The following ALX1 variants were observed in gnomAD, a reference collection of about 807,000 sequenced individuals.
ALX1 encodes the protein ALX homeobox protein 1.
ALX1 carries 19 observed loss-of-function variants against 31.7 expected under a neutral mutation model. The observed-to-expected ratio is 0.60, with a 90% CI of 0.42 to 0.88. The LOEUF is 0.88. Among genes scored for constraint, ALX1 ranks in the 40% least tolerant of loss-of-function variants. ALX1 has a pLI of 0.00. For synonymous variants in ALX1, 153 were observed against 148.8 expected, an observed-to-expected ratio of 1.03 and a Z score of -0.20; for missense variants, 415 against 407.8, an observed-to-expected ratio of 1.02 and a Z score of -0.15.
intron 1 of ALX1, 92 bp downstream of exon 1, chr12:85,280,579 G>A: frequency 7.2e-7 from 1 of 1,383,544 alleles, no homozygotes; most frequent in Non-Finnish European, 1.0e-6. Flanking sequence ...GGAGAAAGGA[G>A]AAAAGTGGGA....
chr12:85,288,453 A>G (rs1409860618), intron 3 of ALX1, among the ~76,000 whole-genome samples: 1 of 151,424 alleles, frequency 6.6e-6, no homozygotes, highest in African/African-American at 2.4e-5. Flanking sequence ...TTGTTTGCCA[A>G]ATATTTTTGA....
intron 2 of ALX1, among the ~76,000 whole-genome samples, chr12:85,285,110 G>A (rs1439441533): frequency 6.6e-6 from 1 of 151,970 alleles, no homozygotes; most frequent in Non-Finnish European, 1.5e-5. Flanking sequence ...TGAGATTTTT[G>A]TCTTTGTCTA....
chr12:85,284,206 T>C (rs1331946503), intron 2 of ALX1, among the ~76,000 whole-genome samples: 2 of 139,440 alleles, frequency 1.4e-5, no homozygotes, highest in African/African-American at 3.0e-5. Flanking sequence ...TATTTAGTAA[T>C]TGGTATATTT....
intron 3 of ALX1, among the ~76,000 whole-genome samples, chr12:85,295,012 TA>T (rs1896868763): frequency 6.6e-6 from 1 of 151,414 alleles, no homozygotes; most frequent in Admixed American, 6.6e-5. Context: ...TATATCACCT[TA>T]AAATATTTTT....
At chr12:85,292,349 A>T (rs562791952) in intron 3 of ALX1, among the ~76,000 whole-genome samples, 4 of 151,146 alleles carry the variant, frequency 2.6e-5, no homozygotes, top group Non-Finnish European at 5.9e-5. Context: ...TTTTCATCAC[A>T]AATTTCAGAA....
At chr12:85,288,307 T>C (rs1272621035) in intron 3 of ALX1, among the ~76,000 whole-genome samples, 1 of 151,534 alleles carries the variant, frequency 6.6e-6, no homozygotes, top group East Asian at 1.9e-4. Context: ...AATAAATGCC[T>C]CCTATCTCCT....
intron 3 of ALX1, among the ~76,000 whole-genome samples, chr12:85,295,850 G>A (rs1042734437): frequency 6.6e-6 from 1 of 151,510 alleles, no homozygotes; most frequent in South Asian, 2.1e-4. Context: ...GTAGAAAAAC[G>A]TTACTTAATT....
intron 3 of ALX1, among the ~76,000 whole-genome samples, chr12:85,298,358 A>T (rs771997126): frequency 9.9e-5 from 15 of 151,752 alleles, no homozygotes; most frequent in Non-Finnish European, 1.9e-4. Context: ...TGCCTCACGC[A>T]TGGTAATTAA....
At chr12:85,289,654 T>C (rs927502619) in intron 3 of ALX1, among the ~76,000 whole-genome samples, 15 of 151,270 alleles carry the variant, frequency 9.9e-5, no homozygotes, top group Non-Finnish European at 2.2e-4. Flanking sequence ...ATGAAGTCCA[T>C]AGTACTTTCT....
chr12:85,284,986 G>T (rs1251244734), intron 2 of ALX1, among the ~76,000 whole-genome samples: 1 of 151,986 alleles, frequency 6.6e-6, no homozygotes. Flanking sequence ...ATTTTTACTT[G>T]AGTTTGTGGA....
intron 1 of ALX1, among the ~76,000 whole-genome samples, chr12:85,280,837 C>A (rs1462844530): frequency 6.6e-6 from 1 of 151,956 alleles, no homozygotes; most frequent in East Asian, 1.9e-4. Flanking sequence ...CAAGACAGAA[C>A]GCTTCCTCTG....
chr12:85,283,935 A>G (rs1460053920), intron 2 of ALX1, 59 bp downstream of exon 2: 46 of 1,569,804 alleles, frequency 2.9e-5, no homozygotes, highest in Non-Finnish European at 3.7e-5. Flanking sequence ...TGTTAGAATA[A>G]TTGAATAAGT....
Position 85,301,364 on chromosome 12 carries a change from C to G in ALX1, c.870C>G (p.Thr290=). 2 of 1,613,994 alleles carry G rather than the reference C, an allele frequency of 1.2e-6. No individual in the cohort carries two copies. Among genetic ancestry groups the G allele is most frequent in the Non-Finnish European group, 1.7e-6 (2 of 1,179,950 alleles). ...FFTDSLLTGA[T]NGHAFETKPE... ...CTGACTCTCTTCTTACTGGGGCAAC[C>G]AATGGACATGCATTTGAAACAAAGC... The change falls in exon 4 of 4, where the codon ACC becomes ACG. Residue 290 remains threonine, a synonymous_variant. Transcript: ENST00000316824.
chr12:85,293,281 G>C (rs1896843250), intron 3 of ALX1, among the ~76,000 whole-genome samples: 1 of 149,860 alleles, frequency 6.7e-6, no homozygotes, highest in Non-Finnish European at 1.5e-5. Flanking sequence ...ATATATATAA[G>C]TTATGTGTAG....
intron 3 of ALX1, 32 bp downstream of exon 3, chr12:85,287,013 A>G: frequency 3.1e-6 from 5 of 1,609,638 alleles, no homozygotes; most frequent in Non-Finnish European, 4.2e-6. Flanking sequence ...ACTGATCAAG[A>G]AAAGGATATT....
At chr12:85,297,983 A>G (rs1454006650) in intron 3 of ALX1, among the ~76,000 whole-genome samples, 2 of 151,634 alleles carry the variant, frequency 1.3e-5, no homozygotes, top group Non-Finnish European at 3.0e-5. Context: ...ATCAGTCCAT[A>G]TTTTTCAAGC....
chr12:85,286,409 A>C (rs562693517), intron 2 of ALX1, among the ~76,000 whole-genome samples: 1 of 151,990 alleles, frequency 6.6e-6, no homozygotes, highest in Admixed American at 6.6e-5. Context: ...TATTTTAAAG[A>C]TAAGTTTTAA....
At chr12:85,295,977 T>C (rs1302893326) in intron 3 of ALX1, among the ~76,000 whole-genome samples, 1 of 151,644 alleles carries the variant, frequency 6.6e-6, no homozygotes, top group Non-Finnish European at 1.5e-5. Flanking sequence ...AATATTAGGA[T>C]ATTGACTATA....
chr12:85,286,937 A>G lies in ALX1; in HGVS notation c.616A>G (p.Thr206Ala). The change falls in exon 3 of 4, where the codon ACC (threonine) becomes GCC (alanine). Residue 206 changes from threonine (T) to alanine (A), a missense_variant. Physicochemically the swap from Thr to Ala is moderately conservative, Grantham distance 58. Transcript: ENST00000316824. ...ACAAGCGAAAAGCCATTTTGCTGCC[A>G]CCTATGATATATCAGTTTTGCCAAG... ...IQQAKSHFAA[T>A]YDISVLPRTD... 2 of 1,612,338 alleles carry G rather than the reference A, an allele frequency of 1.2e-6. No individual in the cohort carries two copies. The highest frequency in any genetic ancestry group is 1.7e-6 in the Non-Finnish European group (2 of 1,178,682).
Sources: allele counts gnomAD v4.1 joint callset (sites outside exome capture counted in the v4.1 genomes callset), GRCh38; gene constraint gnomAD v4.1.1; transcripts MANE v1.5; gene names NCBI Gene and HGNC (gene_info 2026-07-23, HGNC 2026-07-21).